ARHGEF7: variants seen among roughly 807,000 people sequenced by gnomAD.
ARHGEF7 encodes the protein PAK-interacting exchange factor beta.
In ARHGEF7, 33 loss-of-function variants were observed where a neutral mutation model predicts 109.8. That is an observed-to-expected ratio of 0.30 (90% confidence interval 0.23 to 0.40). The LOEUF is 0.40. ARHGEF7 is among the 10% of genes least tolerant of loss of function. The pLI, the probability that ARHGEF7 is intolerant of heterozygous loss-of-function variation, is 1.00. For synonymous variants in ARHGEF7, 458 were observed against 424.6 expected (o/e 1.08, Z -0.97); for missense variants, 938 against 1,098.5 (o/e 0.85, Z 2.07).
At chr13:111,151,855 G>A (rs1374503492) in intron 1 of ARHGEF7, among the ~76,000 whole-genome samples, 2 of 152,068 alleles carry the variant, frequency 1.3e-5, no homozygotes, top group African/African-American at 4.8e-5. Context: ...AGTGAGAAGA[G>A]GACATATGTT....
At chr13:111,188,391 C>T (rs1289573222) in intron 2 of ARHGEF7, among the ~76,000 whole-genome samples, 1 of 152,188 alleles carries the variant, frequency 6.6e-6, no homozygotes, top group East Asian at 1.9e-4. Context: ...GAGTGAGTTG[C>T]CTGTAGAAAT....
chr13:111,264,446 A>G (rs1452683127), intron 8 of ARHGEF7, among the ~76,000 whole-genome samples: 1 of 152,202 alleles, frequency 6.6e-6, no homozygotes, highest in East Asian at 1.9e-4. Context: ...CAGGTGGGAC[A>G]GCCTCCCATC....
rs831169 is a variant in ARHGEF7 at position 111,145,573 on chromosome 13, G to A, written c.166-8332G>A. ...GCTGTCTGGGAGGGGTGGCCCTGGC[G>A]TGTACCGTTTGCTGATTTCTGTGCC... is the stretch of plus-strand genomic sequence containing the variant. On this transcript the variant is annotated intron_variant, in intron 1 of 21. Transcript: ENST00000646102. This position sits in a 1 kb window ranked among gnomAD's most constrained non-coding sequence, Gnocchi z 4.3. Among the ~76,000 whole-genome samples the A allele has an allele frequency of 0.12, 18,293 of 152,154 alleles. 1,121 individuals are homozygous for A. Among genetic ancestry groups the A allele is most frequent in the African/African-American group, 0.16 (6,484 of 41,478 alleles).
intron 1 of ARHGEF7, among the ~76,000 whole-genome samples, chr13:111,148,040 C>T (rs2075701265): frequency 6.6e-6 from 1 of 152,224 alleles, no homozygotes; most frequent in African/African-American, 2.4e-5. Flanking sequence ...CCTGCCCTAT[C>T]TCTGCAGAAT....
chr13:111,190,292 G>A (rs1220615946), intron 2 of ARHGEF7, among the ~76,000 whole-genome samples: 2 of 152,212 alleles, frequency 1.3e-5, no homozygotes, highest in African/African-American at 4.8e-5. Flanking sequence ...CCCAACTCCA[G>A]AGGTTCGTAT....
intron 1 of ARHGEF7, among the ~76,000 whole-genome samples, chr13:111,133,152 C>T (rs1420113034): frequency 3.3e-5 from 5 of 151,562 alleles, no homozygotes; most frequent in African/African-American, 4.8e-5. Flanking sequence ...CACATGTGCA[C>T]GTGTATATAT....
At chr13:111,198,172 C>G (rs143640179) in intron 2 of ARHGEF7, among the ~76,000 whole-genome samples, 1 of 151,672 alleles carries the variant, frequency 6.6e-6, no homozygotes, top group African/African-American at 2.4e-5. Context: ...GCCTGACACG[C>G]GTGTCTTTAG....
intron 4 of ARHGEF7, among the ~76,000 whole-genome samples, chr13:111,211,596 T>G (rs2082503043): frequency 6.6e-6 from 1 of 152,196 alleles, no homozygotes; most frequent in Non-Finnish European, 1.5e-5. Context: ...TTTGGGCTGA[T>G]GTTTTGATTG....
chr13:111,150,444 C>T (rs2075830918), intron 1 of ARHGEF7, among the ~76,000 whole-genome samples: 1 of 152,212 alleles, frequency 6.6e-6, no homozygotes, highest in African/African-American at 2.4e-5. Flanking sequence ...ATTTCCTCCA[C>T]ATCTTCTTCC....
intron 16 of ARHGEF7, 117 bp from the exon 17 acceptor site, chr13:111,286,030 C>A: frequency 2.8e-6 from 2 of 711,858 alleles, no homozygotes; most frequent in Non-Finnish European, 4.8e-6. Context: ...AGGCGAGAAG[C>A]TCTTATCAGT....
Position 111,209,904 on chromosome 13 carries a change from C to T in ARHGEF7, c.370C>T (p.Arg124Trp), listed in dbSNP as rs760806277. ...GCTGGGGAGTGACTCCGTGTGTGCC[C>T]GGCCCTCGTCTCACCGCATAAAGTC... ...IGLGSDSVCA[R>W]PSSHRIKSFD... The change falls in exon 4 of 22, where the codon CGG becomes TGG. Residue 124 changes from arginine (R) to tryptophan (W), a missense_variant. Coordinates refer to ENST00000646102, the MANE Select transcript of ARHGEF7 (RefSeq NM_001354046.2). 1.1e-5 allele frequency: 17 copies of T among 1,614,004 alleles called. No homozygotes were observed. The highest frequency in any genetic ancestry group is 2.2e-5 in the South Asian group (2 of 91,072).
At chr13:111,183,630 G>A (rs949590573) in intron 2 of ARHGEF7, among the ~76,000 whole-genome samples, 1 of 151,942 alleles carries the variant, frequency 6.6e-6, no homozygotes, top group African/African-American at 2.4e-5. Context: ...AAAGTCCTGT[G>A]GATTTTTACC....
intron 19 of ARHGEF7, chr13:111,294,073 G>T: frequency 1.0e-6 from 1 of 985,422 alleles, no homozygotes; most frequent in Non-Finnish European, 1.2e-6. Context: ...ATACCAATTA[G>T]TAAAAATAAG....
chr13:111,278,114 G>GT (rs1383075212), intron 13 of ARHGEF7, among the ~76,000 whole-genome samples: 1 of 152,226 alleles, frequency 6.6e-6, no homozygotes, highest in Non-Finnish European at 1.5e-5. Flanking sequence ...ATGTAAGGGT[G>GT]TAAGTAGCAG....
intron 4 of ARHGEF7, among the ~76,000 whole-genome samples, chr13:111,217,433 G>A (rs1192176087): frequency 6.6e-6 from 1 of 152,206 alleles, no homozygotes; most frequent in African/African-American, 2.4e-5. Context: ...TCACATGGAT[G>A]TGTCTGATTA....
chr13:111,118,075 G>A (rs76836035), intron 1 of ARHGEF7, among the ~76,000 whole-genome samples: 3,163 of 152,346 alleles, frequency 0.021, 113 homozygotes, highest in African/African-American at 0.073. Flanking sequence ...GCCAGTGAGC[G>A]GAGGGCAAGT....
intron 8 of ARHGEF7, among the ~76,000 whole-genome samples, chr13:111,260,029 G>C (rs34067461): frequency 0.1 from 15,169 of 152,178 alleles, 984 homozygotes; most frequent in Middle Eastern, 0.15. Flanking sequence ...GAAAGAATTA[G>C]TGAGCTTGAA....
chr13:111,153,597 T>C (rs2076030713), intron 1 of ARHGEF7: 2 of 1,132,542 alleles, frequency 1.8e-6, no homozygotes, highest in South Asian at 2.7e-5. Flanking sequence ...CACCCGACGC[T>C]ATCCGAAGAC....
chr13:111,198,879 T>G (rs1250069109), intron 2 of ARHGEF7, among the ~76,000 whole-genome samples: 1 of 151,306 alleles, frequency 6.6e-6, no homozygotes, highest in Non-Finnish European at 1.5e-5. Context: ...AACCTTTAGC[T>G]AGACACAGAG....
Sources: allele counts gnomAD v4.1 joint callset (sites outside exome capture counted in the v4.1 genomes callset), GRCh38; gene constraint gnomAD v4.1.1; non-coding constraint Gnocchi (gnomAD v3.1); transcripts MANE v1.5; gene names NCBI Gene and HGNC (gene_info 2026-07-23, HGNC 2026-07-21).